The following IMMP2L variants were observed in gnomAD, a reference collection of about 807,000 sequenced individuals.
IMMP2L encodes mitochondrial inner membrane protease subunit 2.
Under a neutral mutation model 19.3 loss-of-function variants are expected in IMMP2L, and 18 were observed. The ratio of observed to expected loss-of-function variants is 0.93; its 90% CI spans 0.64 to 1.38. The LOEUF is 1.38. IMMP2L is among the 40% of genes most tolerant of loss of function. IMMP2L has a pLI of 0.00. For missense variants in IMMP2L, 233 were observed against 218.2 expected (o/e 1.07, Z -0.43); for synonymous variants, 76 against 73.0 (o/e 1.04, Z -0.21).
At chr7:110,814,071 T>C (rs549613575) in intron 5 of IMMP2L, among the ~76,000 whole-genome samples, 73 of 152,092 alleles carry the variant, frequency 4.8e-4, no homozygotes, top group African/African-American at 1.6e-3. Context: ...CTTGATTTGA[T>C]TGGCAGGATT....
intron 3 of IMMP2L, among the ~76,000 whole-genome samples, chr7:111,180,418 AC>A (rs1807574183): frequency 6.6e-6 from 1 of 152,000 alleles, no homozygotes; most frequent in Admixed American, 6.6e-5. Flanking sequence ...AGTAGTCAGA[AC>A]CACACATTTG....
chr7:111,303,773 A>G (rs1023618131), intron 3 of IMMP2L, among the ~76,000 whole-genome samples: 2 of 151,930 alleles, frequency 1.3e-5, no homozygotes, highest in African/African-American at 4.8e-5. Flanking sequence ...CAATCTCACC[A>G]CCTTTACTAG....
intron 3 of IMMP2L, among the ~76,000 whole-genome samples, chr7:111,114,477 C>T (rs1799609938): frequency 6.6e-6 from 1 of 152,076 alleles, no homozygotes; most frequent in South Asian, 2.1e-4. Flanking sequence ...GTGACCCACA[C>T]CTGTAATCCC....
At chr7:110,748,701 G>A (rs573826294) in intron 5 of IMMP2L, among the ~76,000 whole-genome samples, 63 of 152,208 alleles carry the variant, frequency 4.1e-4, no homozygotes, top group Middle Eastern at 3.4e-3. Flanking sequence ...GCCATATGTA[G>A]AAAACTGAAA....
Position 110,950,046 on chromosome 7 carries a change from T to C in IMMP2L, c.305+13454A>G, listed in dbSNP as rs182849267. Among the ~76,000 whole-genome samples, 56 of 152,322 alleles carry C rather than the reference T, an allele frequency of 3.7e-4. No homozygotes were observed. In the East Asian group the frequency reaches 0.01, roughly 28 times the overall value. On this transcript the variant is annotated intron_variant, in intron 4 of 5. Transcript: ENST00000405709. ...TGCATGAAATCATTGCAAAAACCAC[T>C]GTCATGAAGCTATTTCACTACGTTT... is the stretch of plus-strand genomic sequence containing the variant.
chr7:110,863,147 G>A (rs551401421), intron 5 of IMMP2L, among the ~76,000 whole-genome samples: 1 of 152,084 alleles, frequency 6.6e-6, no homozygotes, highest in Non-Finnish European at 1.5e-5. Context: ...TGCAAGCAGG[G>A]TAACATTTCA....
chr7:110,946,482 C>G (rs984772615), intron 4 of IMMP2L, among the ~76,000 whole-genome samples: 3 of 152,012 alleles, frequency 2.0e-5, no homozygotes, highest in African/African-American at 7.2e-5. Flanking sequence ...AACTACAAAA[C>G]CAACAGGTAA....
At chr7:111,513,307 A>G (rs1845613043) in intron 2 of IMMP2L, among the ~76,000 whole-genome samples, 1 of 152,178 alleles carries the variant, frequency 6.6e-6, no homozygotes, top group African/African-American at 2.4e-5. Context: ...AAAGACCTGT[A>G]TAGAGAATTC....
At chr7:111,308,717 T>G (rs1423382112) in intron 3 of IMMP2L, among the ~76,000 whole-genome samples, 2 of 151,940 alleles carry the variant, frequency 1.3e-5, no homozygotes, top group Non-Finnish European at 2.9e-5. Context: ...AATAAAAAAT[T>G]CTCAGGAGAA....
intron 3 of IMMP2L, among the ~76,000 whole-genome samples, chr7:111,291,053 T>G (rs1026647349): frequency 9.2e-5 from 14 of 152,094 alleles, no homozygotes; most frequent in Admixed American, 3.9e-4. Context: ...CATGTGCATT[T>G]CATACCTTAC....
At position 111,348,139 on chromosome 7, in the gene IMMP2L, G is replaced by C. The variant is rs1317899487; in HGVS notation, c.239+139099C>G. ...AACATCACACACTGGAGCCTGTCGTGGGGTGGGGGGAGGGGGGAGGGATAG... is the reference window on the plus strand; with the variant it reads ...AACATCACACACTGGAGCCTGTCGTCGGGTGGGGGGAGGGGGGAGGGATAG... On this transcript the variant is annotated intron_variant, in intron 3 of 5. Coordinates refer to ENST00000405709, the MANE Select transcript of IMMP2L (RefSeq NM_032549.4). Among the ~76,000 whole-genome samples, 36 of 118,644 alleles carry C rather than the reference G, an allele frequency of 3.0e-4. No homozygotes were observed. In the Admixed American group the frequency reaches 3.5e-3, roughly 11 times the overall value. The allele number at this position is 118,644 out of a possible 152,430, so 77.8% of individuals were successfully genotyped here.
rs184016080 is a variant in IMMP2L, at chr7:111,128,606, C to T, written c.240-165041G>A. 2.6e-5 allele frequency among the ~76,000 whole-genome samples: 4 copies of T among 152,220 alleles called. No homozygotes were observed. In the East Asian group the frequency reaches 7.7e-4, roughly 29 times the overall value. On this transcript the variant is annotated intron_variant, in intron 3 of 5. Transcript: ENST00000405709. ...CTATGGGAGGCTTAGGTGAGTGGAT[C>T]ACAAGGTCAAGAGATCAAGACCATC...
intron 3 of IMMP2L, among the ~76,000 whole-genome samples, chr7:111,403,603 C>T (rs1284916637): frequency 6.6e-6 from 1 of 151,904 alleles, no homozygotes; most frequent in South Asian, 2.1e-4. Flanking sequence ...TAAAGGGGGT[C>T]AATAAAATAA....
At chr7:111,415,670 A>G (rs1834893923) in intron 3 of IMMP2L, among the ~76,000 whole-genome samples, 1 of 151,818 alleles carries the variant, frequency 6.6e-6, no homozygotes, top group Non-Finnish European at 1.5e-5. Flanking sequence ...GCCAAATTAT[A>G]ACTAGTATAT....
chr7:111,072,907 A>C (rs907350684), intron 3 of IMMP2L, among the ~76,000 whole-genome samples: 56 of 152,012 alleles, frequency 3.7e-4, no homozygotes, highest in Non-Finnish European at 6.3e-4. Flanking sequence ...TCTCCAAAAA[A>C]AAAAAAAAAA....
At chr7:110,681,839 T>C (rs1792742733) in intron 5 of IMMP2L, among the ~76,000 whole-genome samples, 1 of 151,964 alleles carries the variant, frequency 6.6e-6, no homozygotes, top group African/African-American at 2.4e-5. Context: ...ATTCAAGCCA[T>C]TGAAGGATCA....
intron 4 of IMMP2L, among the ~76,000 whole-genome samples, chr7:110,943,197 C>T (rs1412860628): frequency 6.6e-6 from 1 of 152,000 alleles, no homozygotes; most frequent in Non-Finnish European, 1.5e-5. Context: ...AGGAAAATAT[C>T]ATAGGTATTT....
intron 4 of IMMP2L, among the ~76,000 whole-genome samples, chr7:110,906,535 G>T (rs1056405541): frequency 2.6e-5 from 4 of 152,180 alleles, no homozygotes; most frequent in Admixed American, 6.5e-5. Context: ...TGCACTGTGT[G>T]CCAGGCTACA....
At chr7:110,857,180 T>C (rs184712027) in intron 5 of IMMP2L, among the ~76,000 whole-genome samples, 8 of 152,256 alleles carry the variant, frequency 5.3e-5, no homozygotes, top group Non-Finnish European at 1.2e-4. Context: ...ACTTGATGTT[T>C]GAATTCATCA....
Sources: allele counts gnomAD v4.1 joint callset (sites outside exome capture counted in the v4.1 genomes callset), GRCh38; gene constraint gnomAD v4.1.1; transcripts MANE v1.5; gene names NCBI Gene and HGNC (gene_info 2026-07-23, HGNC 2026-07-21).